Variants in HECTD4 observed in about 807,000 individuals in gnomAD.
HECTD4 encodes the protein probable E3 ubiquitin-protein ligase HECTD4.
Under a neutral mutation model 471.5 loss-of-function variants are expected in HECTD4, and 114 were observed. The observed-to-expected ratio is 0.24, with a 90% confidence interval of 0.21 to 0.28. The LOEUF (loss-of-function observed/expected upper bound fraction) is 0.28. Among genes scored for constraint, HECTD4 ranks in the 10% least tolerant of loss-of-function variants. The pLI, the probability that HECTD4 is intolerant of heterozygous loss-of-function variation, is 1.00. For missense variants in HECTD4, 3,866 were observed against 5,651.5 expected (o/e 0.68, Z 10.13); for synonymous variants, 2,012 against 2,256.0 (o/e 0.89, Z 3.07).
intron 11 of HECTD4, among the ~76,000 whole-genome samples, chr12:112,272,815 G>A (rs995825793): frequency 6.6e-6 from 1 of 152,176 alleles, no homozygotes; most frequent in Admixed American, 6.5e-5. Flanking sequence ...TACTGACAAT[G>A]CTACTGGACA....
intron 1 of HECTD4, among the ~76,000 whole-genome samples, chr12:112,372,482 C>G (rs535363769): frequency 2.1e-5 from 3 of 141,078 alleles, no homozygotes; most frequent in African/African-American, 5.4e-5. Flanking sequence ...AAGATGGTCT[C>G]GATCTCCTGA....
Position 112,228,144 on chromosome 12 carries a change from C to A in HECTD4, c.6799G>T (p.Asp2267Tyr), listed in dbSNP as rs2033289112. The A allele has an allele frequency of 6.2e-7, 1 of 1,613,742 alleles. No homozygotes were observed. Among genetic ancestry groups the A allele is most frequent in the African/African-American group, 1.3e-5 (1 of 74,894 alleles). The change falls in exon 43 of 76, where the codon GAT becomes TAT. Residue 2267 changes from aspartate (D) to tyrosine (Y), a missense_variant. By Grantham distance (160) the Asp-to-Tyr change is radical. This residue lies in a region of HECTD4 where 617 missense variants were observed against 915.1 expected (regional missense o/e 0.67). Coordinates refer to ENST00000682272, the MANE Select transcript of HECTD4 (RefSeq NM_001388303.1). This position sits in a 1 kb window ranked among gnomAD's most constrained non-coding sequence, Gnocchi z 4.9. ...SIHTSLPATG[D>Y]GSAPVMAVVR... ...ACTGCCATCACAGGAGCTGACCCAT[C>A]TCCTGTTGCAGGAAGTGAGGTGTGA...
At position 112,184,908 on chromosome 12, in the gene HECTD4, C is replaced by T; in HGVS notation, c.10058G>A (p.Trp3353Ter). ...IGGSKPEDML[W>*]FHRALTLLII... ...GAGCAGGGTGAGTGCGCGGTGGAAC[C>T]ACAGCATGTCCTCGGGCTTGCTGCC... The change falls in exon 61 of 76, where the codon TGG becomes TAG. Residue 3353 changes from tryptophan (W) to a stop codon, truncating the protein, a stop_gained. Coordinates refer to ENST00000682272, the MANE Select transcript of HECTD4 (RefSeq NM_001388303.1). LOFTEE classifies it high-confidence loss of function. The surrounding 1 kb of genome is among the most constrained non-coding windows in gnomAD (Gnocchi z 9.1). 1 of 1,613,390 alleles carries T rather than the reference C, an allele frequency of 6.2e-7. No individual in the cohort carries two copies. The highest frequency in any genetic ancestry group is 8.5e-7 in the Non-Finnish European group (1 of 1,179,546).
chr12:112,252,315 G>A (rs1159344343), intron 23 of HECTD4, 109 bp downstream of exon 23: 15 of 1,120,454 alleles, frequency 1.3e-5, no homozygotes, highest in Non-Finnish European at 1.7e-5. Context: ...AGAGAAAGAT[G>A]AAAGAGTGAC....
At chr12:112,190,029 C>T (rs920461421) in intron 60 of HECTD4, among the ~76,000 whole-genome samples, 2 of 152,182 alleles carry the variant, frequency 1.3e-5, no homozygotes, top group Non-Finnish European at 2.9e-5. Flanking sequence ...GCTGGGATTA[C>T]AGGCGTGAGC....
At position 112,319,141 on chromosome 12, in the gene HECTD4, A is replaced by G; in HGVS notation, c.695+84T>C. ...CTTCTGAATGTTAAGACTTCTATCA[A>G]ATATACTTGGCCTCTTCTTCATTCA... On this transcript the variant is annotated intron_variant, in intron 2 of 75. Coordinates refer to ENST00000682272, the MANE Select transcript of HECTD4 (RefSeq NM_001388303.1). The surrounding 1 kb of genome is among the most constrained non-coding windows in gnomAD (Gnocchi z 5.3). 7.6e-7 allele frequency: 1 copy of G among 1,310,496 alleles called. No homozygotes were observed. Among genetic ancestry groups the G allele is most frequent in the Non-Finnish European group, 1.0e-6 (1 of 964,560 alleles). 81.2% of individuals were successfully genotyped at this position (1,310,496 alleles called of 1,614,324 possible). A position where few individuals can be genotyped will look rare whatever the true frequency, so the allele number is the denominator to read the frequency against.
Position 112,235,488 on chromosome 12 carries a change from T to C in HECTD4, c.5725+16A>G, listed in dbSNP as rs1248960009. On this transcript the variant is annotated intron_variant, in intron 36 of 75. Transcript: ENST00000682272. This position sits in a 1 kb window ranked among gnomAD's most constrained non-coding sequence, Gnocchi z 5.0. Reference sequence around the variant, plus strand: ...GCTGCACTGCCATGCTACTCTCCTGTTGAGGAGCTTCTCACCTGGAACCAC... The same window carrying C: ...GCTGCACTGCCATGCTACTCTCCTGCTGAGGAGCTTCTCACCTGGAACCAC... 1.3e-6 allele frequency: 2 copies of C among 1,595,896 alleles called. No homozygotes were observed. Among genetic ancestry groups the C allele is most frequent in the South Asian group, 1.1e-5 (1 of 87,792 alleles).
chr12:112,223,494 A>G (rs978053286), intron 44 of HECTD4, among the ~76,000 whole-genome samples: 8 of 152,108 alleles, frequency 5.3e-5, no homozygotes, highest in Admixed American at 2.6e-4. Flanking sequence ...ATCTCAGCTC[A>G]TGGCAACCTC....
chr12:112,189,644 T>C (rs1218858189), intron 60 of HECTD4, among the ~76,000 whole-genome samples: 2 of 151,108 alleles, frequency 1.3e-5, no homozygotes, highest in Non-Finnish European at 2.9e-5. Flanking sequence ...AGGGCACGTG[T>C]CCTCTGTGCC....
intron 24 of HECTD4, 128 bp downstream of exon 24, chr12:112,250,843 A>G: frequency 1.2e-6 from 1 of 852,754 alleles, no homozygotes; most frequent in South Asian, 1.9e-5. Context: ...TTTCTTAGAC[A>G]CAATGACACC....
At chr12:112,299,908 G>A (rs1376080905) in intron 7 of HECTD4, among the ~76,000 whole-genome samples, 1 of 152,036 alleles carries the variant, frequency 6.6e-6, no homozygotes, top group Non-Finnish European at 1.5e-5. Context: ...ATAACTATAC[G>A]TCTAAATATA....
At chr12:112,363,070 T>C (rs993050939) in intron 1 of HECTD4, among the ~76,000 whole-genome samples, 14 of 152,188 alleles carry the variant, frequency 9.2e-5, no homozygotes, top group Non-Finnish European at 2.1e-4. Context: ...TTTTAAATTT[T>C]AAGCATTTTG....
At chr12:112,311,831 A>T (rs572015067) in intron 4 of HECTD4, among the ~76,000 whole-genome samples, 22 of 152,304 alleles carry the variant, frequency 1.4e-4, no homozygotes, top group African/African-American at 5.1e-4. Flanking sequence ...GTTCTATATT[A>T]AGAAGTAAGT....
rs534190939 is a variant in HECTD4, at chr12:112,229,649, C to T, written c.6519+49G>A. 2.2e-5 allele frequency: 33 copies of T among 1,522,556 alleles called. No homozygotes were observed. In the South Asian group the frequency reaches 4.0e-4, roughly 18 times the overall value. The allele number at this position is 1,522,556 out of a possible 1,614,324, so 94.3% of individuals were successfully genotyped here. A position where few individuals can be genotyped will look rare whatever the true frequency, so the allele number is the denominator to read the frequency against. On this transcript the variant is annotated intron_variant, in intron 41 of 75. Coordinates refer to ENST00000682272, the MANE Select transcript of HECTD4 (RefSeq NM_001388303.1). ...CAGATGATCAATTAATTAATGGATG[C>T]TTATATATATGGGGGAAGCAATGAT... is the stretch of plus-strand genomic sequence containing the variant.
At chr12:112,357,919 C>T (rs995318006) in intron 1 of HECTD4, among the ~76,000 whole-genome samples, 1 of 152,188 alleles carries the variant, frequency 6.6e-6, no homozygotes, top group African/African-American at 2.4e-5. Context: ...AAAGATAATT[C>T]TGGCCAGGCC....
chr12:112,229,360 A>AAACT (rs2033318862), intron 41 of HECTD4, among the ~76,000 whole-genome samples: 2 of 150,836 alleles, frequency 1.3e-5, no homozygotes, highest in African/African-American at 4.9e-5. Context: ...ACAAACAAAC[A>AAACT]AACTTGTTAC....
Position 112,203,741 on chromosome 12 carries a change from G to C in HECTD4, c.8301C>G (p.Ser2767Arg). ...CAACAGCACTGCTGGCTACATTATT[G>C]CTGTCTGGAGAGCGGGTTACTACTG... is the stretch of plus-strand genomic sequence containing the variant. ...GLTVVTRSPD[S>R]NNVASSAVGT... Residue 2767 changes from serine to arginine, a missense_variant, in exon 54 of 76, where the codon AGC becomes AGG. Physicochemically the swap from Ser to Arg is moderately radical, Grantham distance 110. This residue lies in a region of HECTD4 where 266 missense variants were observed against 441.6 expected (regional missense o/e 0.60). Coordinates refer to ENST00000682272, the MANE Select transcript of HECTD4 (RefSeq NM_001388303.1). 6.2e-7 allele frequency: 1 copy of C among 1,612,474 alleles called. No individual in the cohort carries two copies. Among genetic ancestry groups the C allele is most frequent in the Non-Finnish European group, 8.5e-7 (1 of 1,179,148 alleles).
intron 1 of HECTD4, among the ~76,000 whole-genome samples, chr12:112,362,198 ATC>A (rs779115353): frequency 1.3e-5 from 2 of 152,224 alleles, no homozygotes. Context: ...AACTGTATAT[ATC>A]TGTTTGAAAA....
intron 23 of HECTD4, 29 bp downstream of exon 23, chr12:112,252,395 T>C (rs778471371): frequency 3.8e-6 from 6 of 1,560,412 alleles, no homozygotes; most frequent in Non-Finnish European, 5.2e-6. Context: ...TAGTACATTT[T>C]GTCCACGGCA....
Sources: allele counts gnomAD v4.1 joint callset (sites outside exome capture counted in the v4.1 genomes callset), GRCh38; gene constraint gnomAD v4.1.1; regional missense constraint gnomAD v4.1.1; non-coding constraint Gnocchi (gnomAD v3.1); transcripts MANE v1.5; gene names NCBI Gene and HGNC (gene_info 2026-07-23, HGNC 2026-07-21).